The following SCN8A variants were observed in gnomAD, a reference collection of about 807,000 sequenced individuals.
The protein encoded by SCN8A is sodium voltage-gated channel alpha subunit 8, also known as sodium channel protein type 8 subunit alpha.
In SCN8A, 30 loss-of-function variants were observed where a neutral mutation model predicts 184.1. That is an observed-to-expected ratio of 0.16 (90% CI 0.12 to 0.22). SCN8A has a LOEUF of 0.22. Among genes scored for constraint, SCN8A ranks in the 10% least tolerant of loss-of-function variants. The probability of loss-of-function intolerance (pLI) is 1.00; values close to 1 mark genes in which losing one functional copy is unlikely to be tolerated. For missense variants in SCN8A, 1,057 were observed against 2,498.9 expected, an observed-to-expected ratio of 0.42 and a Z score of 12.30; for synonymous variants, 852 against 907.0, an observed-to-expected ratio of 0.94 and a Z score of 1.09.
intron 1 of SCN8A, among the ~76,000 whole-genome samples, chr12:51,609,120 C>T (rs1209100171): frequency 6.6e-6 from 1 of 152,118 alleles, no homozygotes; most frequent in Non-Finnish European, 1.5e-5. Flanking sequence ...TTTCAGTTTT[C>T]TTAAATTTAT....
intron 11 of SCN8A, among the ~76,000 whole-genome samples, chr12:51,719,975 C>T (rs1942023826): frequency 6.7e-6 from 1 of 148,790 alleles, no homozygotes; most frequent in African/African-American, 2.5e-5. Context: ...ACTCGGGAGG[C>T]TGAGGCAGGA....
At chr12:51,784,269 C>T (rs1938013964) in intron 21 of SCN8A, among the ~76,000 whole-genome samples, 1 of 152,190 alleles carries the variant, frequency 6.6e-6, no homozygotes, top group Non-Finnish European at 1.5e-5. Context: ...TTAATCAACT[C>T]TGGGCTGGGC....
chr12:51,715,128 A>G (rs1208141763), intron 11 of SCN8A, among the ~76,000 whole-genome samples: 1 of 152,218 alleles, frequency 6.6e-6, no homozygotes, highest in East Asian at 1.9e-4. Context: ...AAATGGAGCA[A>G]GTCACCTTTA....
At chr12:51,747,328 G>A (rs549980826) in intron 13 of SCN8A, among the ~76,000 whole-genome samples, 1 of 152,218 alleles carries the variant, frequency 6.6e-6, no homozygotes, top group South Asian at 2.1e-4. Context: ...TACCATCGGG[G>A]TTATTGTCTG....
chr12:51,676,559 A>G (rs1322313065), intron 2 of SCN8A, among the ~76,000 whole-genome samples: 3 of 152,238 alleles, frequency 2.0e-5, no homozygotes, highest in Non-Finnish European at 2.9e-5. Context: ...ACAACTGGCC[A>G]GTTGCCTAGT....
At chr12:51,747,089 ATGTGTGTGTG>A (rs60490453) in intron 13 of SCN8A, among the ~76,000 whole-genome samples, 3 of 81,324 alleles carry the variant, frequency 3.7e-5, no homozygotes, top group South Asian at 6.9e-4. Flanking sequence ...CTCTGTGTGT[ATGTGTGTGTG>A]TGTGTGTGTG....
chr12:51,750,731 A>G (rs916485790), intron 13 of SCN8A, among the ~76,000 whole-genome samples: 1 of 152,184 alleles, frequency 6.6e-6, no homozygotes, highest in African/African-American at 2.4e-5. Flanking sequence ...TTTAATTCTC[A>G]CAGCAAATCA....
At chr12:51,712,076 T>A (rs116983759) in intron 11 of SCN8A, among the ~76,000 whole-genome samples, 4 of 152,284 alleles carry the variant, frequency 2.6e-5, no homozygotes, top group African/African-American at 4.8e-5. Context: ...TACATAAATA[T>A]TGAAAAGTTA....
Position 51,686,509 on chromosome 12 carries a change from C to G in SCN8A, c.485+52C>G. ...TGTTTGTTTTAAATATTTTTAGTCA[C>G]TAAATCTTGCTTTGCCACAGTTTAC... is the stretch of plus-strand genomic sequence containing the variant. On this transcript the variant is annotated intron_variant, in intron 4 of 26. Transcript: ENST00000627620. 4.7e-6 allele frequency: 6 copies of G among 1,270,350 alleles called. No individual in the cohort carries two copies. In the South Asian group the frequency reaches 7.5e-5, roughly 16 times the overall value. The allele number at this position is 1,270,350 out of a possible 1,614,324, so 78.7% of individuals were successfully genotyped here.
At chr12:51,642,883 G>C (rs936647936) in intron 1 of SCN8A, among the ~76,000 whole-genome samples, 2 of 151,898 alleles carry the variant, frequency 1.3e-5, no homozygotes, top group African/African-American at 4.8e-5. Flanking sequence ...ACCATTTAGT[G>C]GGTCTGCTCT....
chr12:51,685,715 GC>G (rs1941407871), intron 3 of SCN8A, among the ~76,000 whole-genome samples: 2 of 152,040 alleles, frequency 1.3e-5, no homozygotes. Context: ...CTGATGCCTT[GC>G]CCCCAAAGAC....
At chr12:51,770,721 G>C (rs1942913427) in intron 19 of SCN8A, 38 bp downstream of exon 19, 1 of 1,606,686 alleles carries the variant, frequency 6.2e-7, no homozygotes. Flanking sequence ...GGATTGGCTG[G>C]GGAAGGGTGT....
At chr12:51,677,671 C>A (rs1387690018) in intron 2 of SCN8A, among the ~76,000 whole-genome samples, 1 of 152,188 alleles carries the variant, frequency 6.6e-6, no homozygotes, top group Non-Finnish European at 1.5e-5. Context: ...CCAAGCCCCA[C>A]ATTGCTAATT....
intron 11 of SCN8A, among the ~76,000 whole-genome samples, chr12:51,718,881 C>G (rs1279178170): frequency 2.0e-5 from 3 of 152,082 alleles, no homozygotes; most frequent in Non-Finnish European, 4.4e-5. Context: ...TTTTTGATGT[C>G]CTCAGAAATC....
At chr12:51,729,093 C>G (rs1411787202) in intron 12 of SCN8A, among the ~76,000 whole-genome samples, 1 of 152,158 alleles carries the variant, frequency 6.6e-6, no homozygotes, top group Non-Finnish European at 1.5e-5. Flanking sequence ...ATCTTTATTT[C>G]CACAATACAG....
rs768574678 is a variant in SCN8A, at chr12:51,809,869, C to CCAGA, written c.*2451_*2454dup. 6.6e-6 allele frequency: 1 copy of CCAGA among 152,124 alleles called. No homozygotes were observed. Among genetic ancestry groups the CCAGA allele is most frequent in the East Asian group, 1.9e-4 (1 of 5,200 alleles). The allele number at this position is 152,124 out of a possible 1,614,324, so 9.4% of individuals were successfully genotyped here. A position where few individuals can be genotyped will look rare whatever the true frequency, so the allele number is the denominator to read the frequency against. ...CTGTCAGCCAATGTACATCCCCAAA[C>CCAGA]CAGACAGACAGACAAAAAATTTTTT... is the stretch of plus-strand genomic sequence containing the variant. On this transcript the variant is annotated 3_prime_UTR_variant, in exon 27 of 27. Coordinates refer to ENST00000627620, the MANE Select transcript of SCN8A (RefSeq NM_001330260.2).
At chr12:51,604,294 CTGTT>C (rs1033452192) in intron 1 of SCN8A, among the ~76,000 whole-genome samples, 2 of 150,044 alleles carry the variant, frequency 1.3e-5, no homozygotes, top group African/African-American at 2.5e-5. Context: ...GTGCAGTTAA[CTGTT>C]TGAGCACCAT....
intron 1 of SCN8A, among the ~76,000 whole-genome samples, chr12:51,610,434 G>C (rs539073576): frequency 6.6e-6 from 1 of 151,896 alleles, no homozygotes; most frequent in African/African-American, 2.4e-5. Context: ...TGTGTACTTT[G>C]GTTTTTTTGT....
chr12:51,802,626 A>G (rs1453596385), intron 26 of SCN8A, among the ~76,000 whole-genome samples: 1 of 152,178 alleles, frequency 6.6e-6, no homozygotes, highest in Non-Finnish European at 1.5e-5. Context: ...TGTGCTCTGG[A>G]GCTGGGAGTT....
Sources: gnomAD v4.1 joint callset for allele counts (sites outside exome capture counted in the v4.1 genomes callset) on GRCh38, gnomAD v4.1.1 for gene constraint, MANE v1.5 for transcripts, NCBI Gene and HGNC (gene_info 2026-07-23, HGNC 2026-07-21) for gene names.